BTC: variants seen among roughly 807,000 people sequenced by gnomAD.
BTC encodes probetacellulin.
BTC carries 13 observed loss-of-function variants against 18.1 expected under a neutral mutation model. That is an observed-to-expected ratio of 0.72 (90% CI 0.47 to 1.14). The LOEUF (loss-of-function observed/expected upper bound fraction) is 1.14. BTC is among the 50% of genes most tolerant of loss of function. BTC has a pLI of 0.00. For synonymous variants in BTC, 83 were observed against 79.4 expected, an observed-to-expected ratio of 1.05 and a Z score of -0.24; for missense variants, 247 against 224.2, an observed-to-expected ratio of 1.10 and a Z score of -0.65.
chr4:74,771,189 G>A (rs1015664212), intron 1 of BTC, among the ~76,000 whole-genome samples: 25 of 151,746 alleles, frequency 1.6e-4, no homozygotes, highest in Non-Finnish European at 3.2e-4. Flanking sequence ...GAGGAGGGAG[G>A]AAAGTCAAGG....
intron 2 of BTC, among the ~76,000 whole-genome samples, chr4:74,757,396 A>G (rs983072288): frequency 2.6e-5 from 4 of 152,234 alleles, no homozygotes; most frequent in East Asian, 1.9e-4. Context: ...TGACTTGATA[A>G]CCACCTATGC....
rs375367986 is a variant in BTC, at chr4:74,755,955, C to G, written c.185G>C (p.Arg62Pro). 1.2e-6 allele frequency: 2 copies of G among 1,614,050 alleles called. No homozygotes were observed. The highest frequency in any genetic ancestry group is 2.2e-5 in the South Asian group (2 of 91,064). The change falls in exon 3 of 6, where the codon CGG becomes CCG. Residue 62 changes from arginine (R) to proline (P), a missense_variant. Physicochemically the swap from Arg to Pro is moderately radical, Grantham distance 103. Coordinates refer to ENST00000395743, the MANE Select transcript of BTC (RefSeq NM_001729.4). The part of the protein sequence containing the change: ...NCAATTTQSK[R>P]KGHFSRCPKQ... Reference sequence around the variant, plus strand: ...GGGGCACCTAGAGAAGTGGCCTTTCCGCTTTGATTGTGTGGTGGTAGCTGG... The same window carrying G: ...GGGGCACCTAGAGAAGTGGCCTTTCGGCTTTGATTGTGTGGTGGTAGCTGG...
At chr4:74,792,635 T>A (rs909782710) in intron 1 of BTC, among the ~76,000 whole-genome samples, 4 of 152,266 alleles carry the variant, frequency 2.6e-5, no homozygotes, top group Non-Finnish European at 1.5e-5. Flanking sequence ...CAGTTCTTCA[T>A]AATCTGTCTG....
chr4:74,767,972 A>C (rs1227519098), intron 2 of BTC, among the ~76,000 whole-genome samples: 1 of 152,130 alleles, frequency 6.6e-6, no homozygotes, highest in East Asian at 1.9e-4. Flanking sequence ...TGGTTTTGGC[A>C]ATGATTTCTT....
intron 4 of BTC, 89 bp from the exon 5 acceptor site, chr4:74,748,238 C>A: frequency 2.4e-6 from 2 of 831,872 alleles, no homozygotes; most frequent in East Asian, 2.7e-5. Flanking sequence ...GATCAGGTTT[C>A]TTTTTTTAAA....
intron 1 of BTC, among the ~76,000 whole-genome samples, chr4:74,793,333 C>G (rs567865540): frequency 2.0e-4 from 31 of 152,314 alleles, no homozygotes; most frequent in Non-Finnish European, 4.4e-4. Flanking sequence ...TAGGCTCCCC[C>G]TCTCTTTCCT....
At chr4:74,781,221 A>ATGAAGGTAAG (rs57484406) in intron 1 of BTC, among the ~76,000 whole-genome samples, 27,145 of 151,912 alleles carry the variant, frequency 0.18, 4,025 homozygotes, top group African/African-American at 0.41. Context: ...TTTCTTCCAA[A>ATGAAGGTAAG]TGCTGCCTTC....
intron 5 of BTC, among the ~76,000 whole-genome samples, chr4:74,746,903 A>G (rs781818039): frequency 6.6e-6 from 1 of 152,128 alleles, no homozygotes; most frequent in Non-Finnish European, 1.5e-5. Flanking sequence ...GAAAGACACT[A>G]CTCTCTCATA....
At chr4:74,770,368 C>G (rs909200681) in intron 1 of BTC, among the ~76,000 whole-genome samples, 3 of 152,176 alleles carry the variant, frequency 2.0e-5, no homozygotes, top group African/African-American at 7.2e-5. Context: ...GCCACCATCA[C>G]TTATATCTAA....
intron 1 of BTC, among the ~76,000 whole-genome samples, chr4:74,792,042 T>A (rs1361448139): frequency 6.6e-6 from 1 of 151,758 alleles, no homozygotes; most frequent in Non-Finnish European, 1.5e-5. Flanking sequence ...TTGCTCACAT[T>A]CTTTTCAAAA....
intron 1 of BTC, among the ~76,000 whole-genome samples, chr4:74,781,821 T>G (rs1173241436): frequency 6.6e-6 from 1 of 152,094 alleles, no homozygotes; most frequent in Admixed American, 6.5e-5. Flanking sequence ...CAGAATTCTT[T>G]TCATCTTGCA....
At chr4:74,779,961 T>A (rs1258997664) in intron 1 of BTC, among the ~76,000 whole-genome samples, 1 of 152,064 alleles carries the variant, frequency 6.6e-6, no homozygotes, top group Non-Finnish European at 1.5e-5. Flanking sequence ...AAAGTGGCAA[T>A]GTGTTAAGCT....
chr4:74,769,106 C>T (rs1411022962), intron 2 of BTC, among the ~76,000 whole-genome samples: 2 of 152,102 alleles, frequency 1.3e-5, no homozygotes, highest in Non-Finnish European at 2.9e-5. Flanking sequence ...TACAACTTCC[C>T]GAGGGTGCTA....
chr4:74,764,384 G>A (rs1355856706), intron 2 of BTC, among the ~76,000 whole-genome samples: 1 of 152,138 alleles, frequency 6.6e-6, no homozygotes, highest in African/African-American at 2.4e-5. Context: ...GGGAAGGTCT[G>A]CATTGATGGG....
At chr4:74,777,858 TA>T (rs1400385920) in intron 1 of BTC, among the ~76,000 whole-genome samples, 1 of 152,140 alleles carries the variant, frequency 6.6e-6, no homozygotes, top group African/African-American at 2.4e-5. Context: ...CTCTAATTTT[TA>T]AAAAATAAAA....
chr4:74,779,538 G>A (rs1172114408), intron 1 of BTC, among the ~76,000 whole-genome samples: 2 of 152,102 alleles, frequency 1.3e-5, no homozygotes, highest in African/African-American at 2.4e-5. Flanking sequence ...AAAAGTTTTA[G>A]GCTCACTGAA....
Position 74,755,900 on chromosome 4 carries a change from C to A in BTC, c.240G>T (p.Gly80=), listed in dbSNP as rs1391147729. ...PKQYKHYCIK[G]RCRFVVAEQT... ...GCTCGGCCACCACGAAGCGGCATCT[C>A]CCTTTGATGCAGTAATGCTTGTATT... The change falls in exon 3 of 6, where the codon GGG becomes GGT. Residue 80 remains glycine, a synonymous_variant. Transcript: ENST00000395743. 3.1e-6 allele frequency: 5 copies of A among 1,614,040 alleles called. No individual in the cohort carries two copies. Among genetic ancestry groups the A allele is most frequent in the Non-Finnish European group, 3.4e-6 (4 of 1,180,026 alleles).
At chr4:74,775,400 A>T (rs1007631830) in intron 1 of BTC, among the ~76,000 whole-genome samples, 2 of 152,200 alleles carry the variant, frequency 1.3e-5, no homozygotes, top group African/African-American at 4.8e-5. Context: ...TTTAAAGAAG[A>T]TGAAGGAAAA....
Position 74,755,793 on chromosome 4 carries a change from C to T in BTC, c.281+66G>A, listed in dbSNP as rs77909034. The stretch of plus-strand genomic sequence containing the variant: ...CATGGTTAGCTCACACTTTCCAGTC[C>T]TGGCAAGACCCAGGCGGGCACCATT... On this transcript the variant is annotated intron_variant, in intron 3 of 5. Coordinates refer to ENST00000395743, the MANE Select transcript of BTC (RefSeq NM_001729.4). The T allele has an allele frequency of 6.0e-4, 880 of 1,454,826 alleles. 10 individuals are homozygous for T. The African/African-American group carries it at 0.011, about 18-fold the overall frequency. 90.1% of individuals were successfully genotyped at this position (1,454,826 alleles called of 1,614,324 possible).
Sources: gnomAD v4.1 joint callset for allele counts (sites outside exome capture counted in the v4.1 genomes callset) on GRCh38, gnomAD v4.1.1 for gene constraint, MANE v1.5 for transcripts, NCBI Gene and HGNC (gene_info 2026-07-23, HGNC 2026-07-21) for gene names.